The following IGDCC4 variants were observed in gnomAD, a reference collection of about 807,000 sequenced individuals.
The protein encoded by IGDCC4 is immunoglobulin superfamily DCC subclass member 4, also known as likely ortholog of mouse neighbor of Punc E11.
In IGDCC4, 72 loss-of-function variants were observed where a neutral mutation model predicts 116.6. That is an observed-to-expected ratio of 0.62 (90% confidence interval 0.51 to 0.75). The LOEUF is 0.75. Among genes scored for constraint, IGDCC4 ranks in the 30% least tolerant of loss-of-function variants. The probability of loss-of-function intolerance (pLI) is 0.00; values close to 1 mark genes in which losing one functional copy is unlikely to be tolerated. For missense variants in IGDCC4, 1,501 were observed against 1,662.4 expected (o/e 0.90, Z 1.69); for synonymous variants, 709 against 719.9 (o/e 0.98, Z 0.24).
chr15:65,388,287 T>C (rs1405433730), intron 16 of IGDCC4, among the ~76,000 whole-genome samples, 162 bp downstream of exon 16: 1 of 150,414 alleles, frequency 6.6e-6, no homozygotes, highest in Non-Finnish European at 1.5e-5. Flanking sequence ...ACCTGGCCTC[T>C]GAATCAAGTT....
chr15:65,403,911 G>T (rs1482906441), intron 3 of IGDCC4, among the ~76,000 whole-genome samples: 1 of 152,152 alleles, frequency 6.6e-6, no homozygotes, highest in Non-Finnish European at 1.5e-5. Context: ...GACCTAAGGA[G>T]GGGGTGAATG....
chr15:65,407,023 A>T (rs1457388398), intron 3 of IGDCC4, among the ~76,000 whole-genome samples: 1 of 152,168 alleles, frequency 6.6e-6, no homozygotes, highest in East Asian at 1.9e-4. Context: ...AAACTTCTTC[A>T]GACCTCACAG....
chr15:65,413,239 G>A lies in IGDCC4; in HGVS notation c.71-1869C>T, dbSNP rs2063114705. ...TAGACTCAAGCTGGATTCAGACCCA[G>A]CATGAGAGGAGGCTCACATGGCTCA... On this transcript the variant is annotated intron_variant, in intron 1 of 19. Transcript: ENST00000352385. Among the ~76,000 whole-genome samples, 7 of 152,076 alleles carry A rather than the reference G, an allele frequency of 4.6e-5. No individual in the cohort carries two copies. The South Asian group carries it at 1.5e-3, about 32-fold the overall frequency.
At chr15:65,410,670 C>T (rs889552290) in intron 2 of IGDCC4, 6 of 459,364 alleles carry the variant, frequency 1.3e-5, no homozygotes, top group African/African-American at 3.9e-5. Flanking sequence ...CCACATGTTC[C>T]ACCTGCCGTG....
In IGDCC4 at chr15:65,396,838, C is replaced by T. The variant is rs752775004; in HGVS notation, c.993G>A (p.Val331=). The change falls in exon 6 of 20, where the codon GTG becomes GTA. Residue 331 remains valine, a synonymous_variant. Transcript: ENST00000352385. ...DFATAAAELR[V]LAAPAITQAP... ...CCGCCCTTCGGCCCGCCTCACCCAG[C>T]ACACGGAGCTCAGCGGCTGCAGTGG... 1.3e-6 allele frequency: 2 copies of T among 1,570,248 alleles called. No homozygotes were observed. Among genetic ancestry groups the T allele is most frequent in the Non-Finnish European group, 1.7e-6 (2 of 1,157,622 alleles).
Position 65,410,164 on chromosome 15 carries a change from T to A in IGDCC4, c.563+14A>T, listed in dbSNP as rs1286353826. On this transcript the variant is annotated intron_variant, in intron 3 of 19. Transcript: ENST00000352385. ...CCCTGCCTACCAGGACCCGCTCCCC[T>A]ACAGGGCACTCACCGAGGCTCCTCA... The A allele has an allele frequency of 6.2e-7, 1 of 1,611,818 alleles. No individual in the cohort carries two copies. Among genetic ancestry groups the A allele is most frequent in the East Asian group, 2.2e-5 (1 of 44,880 alleles).
Position 65,391,899 on chromosome 15 carries a change from C to T in IGDCC4, c.2205G>A (p.Thr735=), listed in dbSNP as rs147577742. The change falls in exon 12 of 20, where the codon ACG becomes ACA. Residue 735 remains threonine (T), a synonymous_variant. Transcript: ENST00000352385. The stretch of plus-strand genomic sequence containing the variant: ...CCTCACCTGGTGCCGGCGCCTTCTC[C>T]GTCTTGCCCTTCCACACTGCTGCAT... ...DGYAAVWKGK[T]EKAPAPDMPI... is the part of the protein sequence containing the mutation. The T allele has an allele frequency of 1.1e-5, 18 of 1,613,778 alleles. No individual in the cohort carries two copies. The highest frequency in any genetic ancestry group is 6.7e-5 in the Admixed American group (4 of 59,994).
chr15:65,403,416 T>TA (rs1310403017), intron 3 of IGDCC4, among the ~76,000 whole-genome samples: 3 of 152,166 alleles, frequency 2.0e-5, no homozygotes, highest in African/African-American at 7.2e-5. Context: ...ACTGACTTTT[T>TA]ATTATATATC....
At chr15:65,397,365 T>C (rs2062938030) in intron 5 of IGDCC4, among the ~76,000 whole-genome samples, 1 of 152,172 alleles carries the variant, frequency 6.6e-6, no homozygotes, top group Non-Finnish European at 1.5e-5. Context: ...GCTGGTAAGG[T>C]CGGACCAAGC....
At chr15:65,385,739 G>C in intron 18 of IGDCC4, 92 bp downstream of exon 18, 1 of 1,047,180 alleles carries the variant, frequency 9.5e-7, no homozygotes, top group Non-Finnish European at 1.5e-6. Context: ...CCGAAGAGGA[G>C]GTAGAGCCAT....
intron 5 of IGDCC4, among the ~76,000 whole-genome samples, chr15:65,398,827 T>G (rs2062955139): frequency 6.6e-6 from 1 of 152,012 alleles, no homozygotes; most frequent in South Asian, 2.1e-4. Flanking sequence ...GAGGCGGAAG[T>G]TGCAGTGAGC....
chr15:65,390,211 A>G lies in IGDCC4; in HGVS notation c.2352T>C (p.Thr784=). The change falls in exon 13 of 20, where the codon ACT becomes ACC. Residue 784 remains threonine (T), a synonymous_variant. Transcript: ENST00000352385. Reference sequence around the variant, plus strand: ...TGAGCCCCCAGGGGCTGAAGCGCACAGTGTAGTTGACAATCTTGACTGTGG... The same window carrying G: ...TGAGCCCCCAGGGGCTGAAGCGCACGGTGTAGTTGACAATCTTGACTGTGG... The part of the protein sequence containing the change: ...DFTTVKIVNY[T]VRFSPWGLRN... 3.1e-6 allele frequency: 5 copies of G among 1,611,850 alleles called. No homozygotes were observed. The highest frequency in any genetic ancestry group is 4.2e-6 in the Non-Finnish European group (5 of 1,178,256).
intron 16 of IGDCC4, 67 bp downstream of exon 16, chr15:65,388,382 T>C (rs2091480871): frequency 6.2e-7 from 1 of 1,603,050 alleles, no homozygotes; most frequent in Non-Finnish European, 8.5e-7. Context: ...AATGAAATTG[T>C]AGTTGTGTCC....
chr15:65,411,991 T>C (rs1345255357), intron 1 of IGDCC4, among the ~76,000 whole-genome samples: 3 of 152,222 alleles, frequency 2.0e-5, no homozygotes, highest in Admixed American at 2.0e-4. Flanking sequence ...TTGTAGTACG[T>C]GAATTGTCTC....
intron 1 of IGDCC4, among the ~76,000 whole-genome samples, chr15:65,412,778 ATT>A (rs1327040067): frequency 2.0e-5 from 3 of 151,624 alleles, no homozygotes; most frequent in Non-Finnish European, 4.4e-5. Context: ...ATAAAAAAAA[ATT>A]TTTTTAATTA....
chr15:65,402,643 G>A (rs1002652851), intron 3 of IGDCC4, among the ~76,000 whole-genome samples, 156 bp from the exon 4 acceptor site: 2 of 152,146 alleles, frequency 1.3e-5, no homozygotes, highest in South Asian at 4.1e-4. Context: ...CGAGGCGGGC[G>A]AATCACATGA....
intron 1 of IGDCC4, among the ~76,000 whole-genome samples, chr15:65,412,511 C>CAAAAAA (rs3082805): frequency 0.013 from 209 of 16,716 alleles, 69 homozygotes; most frequent in East Asian, 0.075. Flanking sequence ...GATTCCATCT[C>CAAAAAA]AAAAAAAAAA....
chr15:65,413,307 T>C (rs996397727), intron 1 of IGDCC4, among the ~76,000 whole-genome samples: 30 of 152,106 alleles, frequency 2.0e-4, no homozygotes, highest in Non-Finnish European at 3.1e-4. Context: ...TACTGGTGAC[T>C]GGAGAAGCTC....
intron 5 of IGDCC4, among the ~76,000 whole-genome samples, chr15:65,397,817 T>C (rs1479152133): frequency 3.3e-5 from 5 of 152,258 alleles, no homozygotes; most frequent in African/African-American, 9.6e-5. Context: ...CATTTATGTG[T>C]ACCTGTCCTA....
Sources: allele counts gnomAD v4.1 joint callset (sites outside exome capture counted in the v4.1 genomes callset), GRCh38; gene constraint gnomAD v4.1.1; transcripts MANE v1.5; gene names NCBI Gene and HGNC (gene_info 2026-07-23, HGNC 2026-07-21).